RIC8B: variants seen among roughly 807,000 people sequenced by gnomAD.
RIC8B encodes RIC8 guanine nucleotide exchange factor B, also known as chaperone Ric-8B.
RIC8B carries 16 observed loss-of-function variants against 57.5 expected under a neutral mutation model. That is an observed-to-expected ratio of 0.28 (90% CI 0.19 to 0.42). The LOEUF is 0.42. RIC8B is among the 10% of genes least tolerant of loss of function. The pLI is 1.00. For synonymous variants in RIC8B, 216 were observed against 250.8 expected, an observed-to-expected ratio of 0.86 and a Z score of 1.31; for missense variants, 481 against 677.0, an observed-to-expected ratio of 0.71 and a Z score of 3.21.
At chr12:106,802,037 C>T (rs981747543) in intron 2 of RIC8B, among the ~76,000 whole-genome samples, 2 of 152,186 alleles carry the variant, frequency 1.3e-5, no homozygotes, top group Non-Finnish European at 2.9e-5. Flanking sequence ...TATCCAGTGA[C>T]GTTCATCACA....
At chr12:106,872,200 A>AT (rs1247478138) in intron 9 of RIC8B, among the ~76,000 whole-genome samples, 1 of 152,214 alleles carries the variant, frequency 6.6e-6, no homozygotes, top group African/African-American at 2.4e-5. Context: ...TAGAACAGAA[A>AT]TGTTCCCTCC....
intron 2 of RIC8B, among the ~76,000 whole-genome samples, chr12:106,803,189 G>A (rs2044822797): frequency 7.7e-6 from 1 of 130,258 alleles, no homozygotes; most frequent in Non-Finnish European, 1.6e-5. Flanking sequence ...TCCAGCCTGG[G>A]TGACAAGAGT....
chr12:106,858,229 C>T (rs1446324168), intron 7 of RIC8B, among the ~76,000 whole-genome samples: 2 of 151,934 alleles, frequency 1.3e-5, no homozygotes, highest in African/African-American at 2.4e-5. Flanking sequence ...TAAGTATATT[C>T]ATTTAAACAT....
At chr12:106,827,769 C>T (rs1450856217) in intron 4 of RIC8B, among the ~76,000 whole-genome samples, 1 of 151,960 alleles carries the variant, frequency 6.6e-6, no homozygotes, top group Non-Finnish European at 1.5e-5. Flanking sequence ...TAATTTTTTT[C>T]GTAATTAAGA....
intron 2 of RIC8B, among the ~76,000 whole-genome samples, chr12:106,809,820 A>T (rs967887878): frequency 6.6e-6 from 1 of 152,004 alleles, no homozygotes; most frequent in Non-Finnish European, 1.5e-5. Flanking sequence ...AACTTTTAAA[A>T]TTTCTTTGTG....
At chr12:106,779,784 T>C (rs963291661) in intron 1 of RIC8B, among the ~76,000 whole-genome samples, 1 of 151,742 alleles carries the variant, frequency 6.6e-6, no homozygotes, top group Non-Finnish European at 1.5e-5. Context: ...CAACTTTAGT[T>C]ATAGAATGAA....
chr12:106,877,663 T>G, intron 9 of RIC8B, among the ~76,000 whole-genome samples: 1 of 152,194 alleles, frequency 6.6e-6, no homozygotes, highest in East Asian at 1.9e-4. Flanking sequence ...CTGACAAATT[T>G]TCATACATGT....
At chr12:106,779,523 T>G (rs2136144392) in intron 1 of RIC8B, among the ~76,000 whole-genome samples, 1 of 152,224 alleles carries the variant, frequency 6.6e-6, no homozygotes, top group Non-Finnish European at 1.5e-5. Context: ...TGAGCCACTA[T>G]GCCTGGCCTC....
At chr12:106,826,704 A>G (rs1272753283) in intron 4 of RIC8B, among the ~76,000 whole-genome samples, 3 of 152,232 alleles carry the variant, frequency 2.0e-5, no homozygotes, top group African/African-American at 4.8e-5. Flanking sequence ...GCAGTGAGCC[A>G]AGGTCGCACC....
chr12:106,789,736 C>T (rs2044186900), intron 2 of RIC8B, among the ~76,000 whole-genome samples: 1 of 152,264 alleles, frequency 6.6e-6, no homozygotes, highest in South Asian at 2.1e-4. Context: ...TGGGTGGGGA[C>T]ACAGCCAAAC....
chr12:106,843,803 A>C, intron 5 of RIC8B, 49 bp from the exon 6 acceptor site: 2 of 1,366,606 alleles, frequency 1.5e-6, no homozygotes, highest in Non-Finnish European at 1.0e-6. Context: ...TAATACTGTT[A>C]GAAACAAAAC....
At chr12:106,834,218 C>T (rs1438900023) in intron 4 of RIC8B, among the ~76,000 whole-genome samples, 1 of 152,130 alleles carries the variant, frequency 6.6e-6, no homozygotes, top group Non-Finnish European at 1.5e-5. Flanking sequence ...AAACTAGTTT[C>T]TTGTCAGATC....
At chr12:106,854,435 A>G (rs1949627466) in intron 7 of RIC8B, among the ~76,000 whole-genome samples, 1 of 152,228 alleles carries the variant, frequency 6.6e-6, no homozygotes, top group Non-Finnish European at 1.5e-5. Context: ...CTCAAAGGTC[A>G]GACCACTAAG....
intron 4 of RIC8B, among the ~76,000 whole-genome samples, chr12:106,831,886 A>G (rs552582159): frequency 6.6e-6 from 1 of 152,324 alleles, no homozygotes; most frequent in African/African-American, 2.4e-5. Context: ...ATCAAGCAAC[A>G]CATTTGCATG....
intron 9 of RIC8B, chr12:106,873,180 A>T: frequency 1.0e-6 from 1 of 985,408 alleles, no homozygotes; most frequent in South Asian, 4.7e-5. Flanking sequence ...TGAAGGTGAC[A>T]CTGATTTTTG....
chr12:106,774,998 T>G, intron 1 of RIC8B, 169 bp downstream of exon 1: 1 of 595,026 alleles, frequency 1.7e-6, no homozygotes, highest in South Asian at 2.0e-5. Context: ...TTTCCATCCA[T>G]GCATCCTGCA....
chr12:106,814,392 C>T (rs1032537587), intron 2 of RIC8B, among the ~76,000 whole-genome samples: 1 of 152,144 alleles, frequency 6.6e-6, no homozygotes, highest in Non-Finnish European at 1.5e-5. Flanking sequence ...ATGACTAAAA[C>T]TCAGCAGAAA....
intron 6 of RIC8B, among the ~76,000 whole-genome samples, chr12:106,844,609 G>C (rs979790031): frequency 6.6e-6 from 1 of 152,182 alleles, no homozygotes; most frequent in African/African-American, 2.4e-5. Flanking sequence ...AAGAGGGGAA[G>C]TGATGTGACC....
At chr12:106,826,616 C>T (rs1403592504) in intron 4 of RIC8B, among the ~76,000 whole-genome samples, 1 of 151,958 alleles carries the variant, frequency 6.6e-6, no homozygotes, top group African/African-American at 2.4e-5. Flanking sequence ...AGTAGCTGGG[C>T]ATGGTGGCAC....
Sources: gnomAD v4.1 joint callset for allele counts (sites outside exome capture counted in the v4.1 genomes callset) on GRCh38, gnomAD v4.1.1 for gene constraint, MANE v1.5 for transcripts, NCBI Gene and HGNC (gene_info 2026-07-23, HGNC 2026-07-21) for gene names.